The following FBXO10 variants were observed in gnomAD, a reference collection of about 807,000 sequenced individuals.
FBXO10 encodes the protein F-box only protein 10.
In FBXO10, 39 loss-of-function variants were observed where a neutral mutation model predicts 80.7. That is an observed-to-expected ratio of 0.48 (90% CI 0.37 to 0.63). The LOEUF is 0.63. Among genes scored for constraint, FBXO10 ranks in the 30% least tolerant of loss-of-function variants. FBXO10 has a pLI of 0.00. For missense variants in FBXO10, 1,025 were observed against 1,269.0 expected (o/e 0.81, Z 2.92); for synonymous variants, 449 against 489.6 (o/e 0.92, Z 1.09).
chr9:37,573,644 G>C (rs1354504009), intron 1 of FBXO10, among the ~76,000 whole-genome samples: 1 of 152,188 alleles, frequency 6.6e-6, no homozygotes, highest in Non-Finnish European at 1.5e-5. Flanking sequence ...CAGAGAGGCT[G>C]GAGAAGGAGA....
chr9:37,530,710 GC>G (rs1821598666), intron 4 of FBXO10, among the ~76,000 whole-genome samples: 2 of 152,160 alleles, frequency 1.3e-5, no homozygotes, highest in African/African-American at 4.8e-5. Flanking sequence ...CATAGTTATG[GC>G]AGCCATGACC....
At chr9:37,548,882 G>A (rs1346089738) in intron 1 of FBXO10, among the ~76,000 whole-genome samples, 8 of 152,110 alleles carry the variant, frequency 5.3e-5, no homozygotes, top group African/African-American at 1.9e-4. Context: ...CCAGGTAGCT[G>A]GGACTACAGG....
chr9:37,542,810 C>T (rs780251301), intron 1 of FBXO10, among the ~76,000 whole-genome samples: 5 of 152,152 alleles, frequency 3.3e-5, no homozygotes, highest in Non-Finnish European at 5.9e-5. Context: ...TGTAGGATAT[C>T]CCAATGGCCT....
At chr9:37,544,688 C>T (rs865824645) in intron 1 of FBXO10, among the ~76,000 whole-genome samples, 4 of 151,994 alleles carry the variant, frequency 2.6e-5, no homozygotes, top group Admixed American at 6.6e-5. Flanking sequence ...TGATCACCAG[C>T]GAGACTTTAC....
Position 37,541,434 on chromosome 9 carries a change from A to G in FBXO10, c.335T>C (p.Val112Ala). The G allele has an allele frequency of 6.2e-7, 1 of 1,614,030 alleles. No individual in the cohort carries two copies. The highest frequency in any genetic ancestry group is 1.3e-5 in the African/African-American group (1 of 75,054). The stretch of plus-strand genomic sequence containing the variant: ...GCTGTCAAACTCACGGCCTGGCCCA[A>G]CACTCAGGGTACGTCGTTCCCTCCT... ...RRRRERRTLS[V>A]GPGREFDSLG... Residue 112 changes from valine (V) to alanine (A), a missense_variant, in exon 2 of 11, where the codon GTT becomes GCT. Val to Ala is a moderately conservative substitution (Grantham distance 64). Around this residue, in one of 3 missense-constraint regions of FBXO10, gnomAD observed 450 missense variants for 499.4 expected, o/e 0.90. Transcript: ENST00000432825.
chr9:37,568,405 C>A (rs1362337845), intron 1 of FBXO10, among the ~76,000 whole-genome samples: 2 of 152,020 alleles, frequency 1.3e-5, no homozygotes, highest in Non-Finnish European at 2.9e-5. Flanking sequence ...ACCGTGCTGG[C>A]CAGGCTGGTC....
At chr9:37,536,657 C>A (rs1031240602) in intron 3 of FBXO10, among the ~76,000 whole-genome samples, 12 of 152,308 alleles carry the variant, frequency 7.9e-5, no homozygotes, top group African/African-American at 2.4e-4. Context: ...TCCACCCCTT[C>A]TTATCACGTG....
chr9:37,541,576 C>G lies in FBXO10; in HGVS notation c.193G>C (p.Asp65His). 1.2e-6 allele frequency: 2 copies of G among 1,613,806 alleles called. No homozygotes were observed. Among genetic ancestry groups the G allele is most frequent in the South Asian group, 1.1e-5 (1 of 91,030 alleles). The part of the protein sequence containing the change: ...CRHPNWPNQP[D>H]VEPESWREAF... Reference sequence around the variant, plus strand: ...TCTCTCCAAGACTCAGGCTCCACATCTGGCTGGTTGGGCCAATTGGGATGG... The same window carrying G: ...TCTCTCCAAGACTCAGGCTCCACATGTGGCTGGTTGGGCCAATTGGGATGG... The change falls in exon 2 of 11, where the codon GAT (aspartate) becomes CAT (histidine). Residue 65 changes from aspartate to histidine, a missense_variant. Asp to His is a moderately conservative substitution (Grantham distance 81). This residue lies in a region of FBXO10 where 450 missense variants were observed against 499.4 expected (regional missense o/e 0.90). Coordinates refer to ENST00000432825, the MANE Select transcript of FBXO10 (RefSeq NM_012166.3).
rs869146793 is a variant in FBXO10 at position 37,532,294 on chromosome 9, CTTT to C, written c.1420-239_1420-237del. Among the ~76,000 whole-genome samples the C allele has an allele frequency of 6.3e-4, 64 of 102,396 alleles. 1 individual carries two copies. Among genetic ancestry groups the C allele is most frequent in the Admixed American group, 1.2e-3 (11 of 9,278 alleles). The allele number at this position is 102,396 out of a possible 152,430, so 67.2% of individuals were successfully genotyped here. A position where few individuals can be genotyped will look rare whatever the true frequency, so the allele number is the denominator to read the frequency against. On this transcript the variant is annotated intron_variant, in intron 3 of 10. Transcript: ENST00000432825. Reference sequence around the variant, plus strand: ...GCTCCTTAGCGGTCTCACATTGGTTCTTTTTTTTTTTTTTTTTTTTTTTTGAGA... The same window carrying C: ...GCTCCTTAGCGGTCTCACATTGGTTCTTTTTTTTTTTTTTTTTTTTTGAGA...
intron 9 of FBXO10, 39 bp downstream of exon 9, chr9:37,518,086 T>C (rs1306265126): frequency 6.4e-7 from 1 of 1,571,252 alleles, no homozygotes; most frequent in African/African-American, 1.3e-5. Flanking sequence ...TTGTGCCCTG[T>C]GTGGGCACCA....
chr9:37,520,979 G>C (rs539444251), intron 8 of FBXO10, among the ~76,000 whole-genome samples: 1 of 152,138 alleles, frequency 6.6e-6, no homozygotes, highest in Non-Finnish European at 1.5e-5. Context: ...GGGATGGGGA[G>C]GGCCCAGTTC....
At position 37,512,184 on chromosome 9, in the gene FBXO10, G is replaced by C. The variant is rs962479284; in HGVS notation, c.*363C>G. Reference sequence around the variant, plus strand: ...CTAGAATCACTTCCCGCCATCAGAAGTAAATCTGCTCTTTCCTGAGAAGAG... The same window carrying C: ...CTAGAATCACTTCCCGCCATCAGAACTAAATCTGCTCTTTCCTGAGAAGAG... On this transcript the variant is annotated 3_prime_UTR_variant, in exon 11 of 11. Transcript: ENST00000432825. 1.8e-5 allele frequency: 3 copies of C among 167,190 alleles called. No homozygotes were observed. The highest frequency in any genetic ancestry group is 3.8e-5 in the Non-Finnish European group (3 of 78,326). 10.4% of individuals were successfully genotyped at this position (167,190 alleles called of 1,614,324 possible).
At chr9:37,532,642 G>A (rs1821658945) in intron 3 of FBXO10, among the ~76,000 whole-genome samples, 1 of 152,042 alleles carries the variant, frequency 6.6e-6, no homozygotes, top group Non-Finnish European at 1.5e-5. Flanking sequence ...CACTACACCT[G>A]GCCCACACTG....
rs747488262 is a variant in FBXO10, at chr9:37,537,683, A to G, written c.846T>C (p.Thr282=). ...AGTCAGAGTCCTCTGTGGGGAGAAA[A>G]GTGGGTGAGGACTTGATAAGCCCTA... ...YLLGLIKSSP[T]FLPTEDSDFL... Residue 282 remains threonine, a synonymous_variant, in exon 3 of 11, where the codon ACT becomes ACC. Transcript: ENST00000432825. 1 of 1,613,932 alleles carries G rather than the reference A, an allele frequency of 6.2e-7. No homozygotes were observed. Among genetic ancestry groups the G allele is most frequent in the Non-Finnish European group, 8.5e-7 (1 of 1,179,882 alleles).
At chr9:37,521,519 G>C (rs988522893) in intron 8 of FBXO10, 50 bp downstream of exon 8, 25 of 1,454,208 alleles carry the variant, frequency 1.7e-5, no homozygotes, top group Non-Finnish European at 2.2e-5. Flanking sequence ...AAAAAAGACA[G>C]TGGGGAGCCA....
intron 1 of FBXO10, among the ~76,000 whole-genome samples, chr9:37,548,789 C>T (rs907330515): frequency 6.6e-6 from 1 of 152,060 alleles, no homozygotes; most frequent in Admixed American, 6.5e-5. Context: ...CCCTCTGTTG[C>T]CCAGGCTGAA....
intron 1 of FBXO10, among the ~76,000 whole-genome samples, chr9:37,561,091 G>A (rs113877105): frequency 0.062 from 9,456 of 151,698 alleles, 327 homozygotes; most frequent in African/African-American, 0.088. Flanking sequence ...GCAGTGAGCC[G>A]AGATCGTGCC....
intron 3 of FBXO10, among the ~76,000 whole-genome samples, chr9:37,532,294 C>CTTTT (rs869146793): frequency 5.9e-5 from 6 of 102,394 alleles, no homozygotes; most frequent in East Asian, 2.9e-4. Flanking sequence ...CACATTGGTT[C>CTTTT]TTTTTTTTTT....
At chr9:37,540,290 C>G (rs373010781) in intron 2 of FBXO10, among the ~76,000 whole-genome samples, 1 of 151,958 alleles carries the variant, frequency 6.6e-6, no homozygotes, top group South Asian at 2.1e-4. Context: ...CGGGTTCAAG[C>G]GATTCTTTTG....
Sources: allele counts gnomAD v4.1 joint callset (sites outside exome capture counted in the v4.1 genomes callset), GRCh38; gene constraint gnomAD v4.1.1; regional missense constraint gnomAD v4.1.1; transcripts MANE v1.5; gene names NCBI Gene and HGNC (gene_info 2026-07-23, HGNC 2026-07-21).